Variants in NEBL observed in about 807,000 individuals in gnomAD.
NEBL encodes nebulette.
In NEBL, 122 loss-of-function variants were observed where a neutral mutation model predicts 140.2. That is an observed-to-expected ratio of 0.87 (90% confidence interval 0.75 to 1.01). The LOEUF (loss-of-function observed/expected upper bound fraction) is 1.01, where lower values mean the gene tolerates loss of function less well. NEBL is among the 50% of genes least tolerant of loss of function. NEBL has a pLI of 0.00. For missense variants in NEBL, 1,365 were observed against 1,231.3 expected (o/e 1.11, Z -1.62); for synonymous variants, 436 against 398.9 (o/e 1.09, Z -1.11).
At chr10:20,899,414 C>T (rs1397891880), upstream of NEBL, 2 of 1,303,764 alleles carry the variant, frequency 1.5e-6, no homozygotes, top group African/African-American at 1.5e-5. Context: ...TTCTCATTTC[C>T]CATCACGTAA....
At chr10:21,039,484 CT>C (rs1834168115) in intron 2 of NEBL, among the ~76,000 whole-genome samples, 1 of 152,162 alleles carries the variant, frequency 6.6e-6, no homozygotes, top group South Asian at 2.1e-4. Context: ...ACAAGGAATC[CT>C]TTCCCCTTTG....
At chr10:21,238,585 C>T (rs1371683810) in intron 3 of NEBL, among the ~76,000 whole-genome samples, 2 of 151,686 alleles carry the variant, frequency 1.3e-5, no homozygotes, top group Non-Finnish European at 2.9e-5. Context: ...TGGTGCATGC[C>T]TGTAATCCCA....
At chr10:21,066,388 G>T (rs75626630) in intron 2 of NEBL, among the ~76,000 whole-genome samples, 4 of 152,194 alleles carry the variant, frequency 2.6e-5, no homozygotes, top group African/African-American at 7.2e-5. Context: ...ATAGCAATTC[G>T]TTGTTGATAA....
intron 2 of NEBL, among the ~76,000 whole-genome samples, chr10:21,065,408 T>C (rs1310920297): frequency 6.6e-6 from 1 of 152,182 alleles, no homozygotes; most frequent in African/African-American, 2.4e-5. Flanking sequence ...AAAAATTAGG[T>C]ACCCAGTCTT....
intron 27 of NEBL, among the ~76,000 whole-genome samples, chr10:20,786,483 T>C (rs1835418627): frequency 6.6e-6 from 1 of 152,244 alleles, no homozygotes; most frequent in African/African-American, 2.4e-5. Flanking sequence ...TATTATATTA[T>C]GATTATAATG....
At chr10:21,269,904 C>T (rs7903230) in intron 1 of NEBL, among the ~76,000 whole-genome samples, 4,193 of 152,240 alleles carry the variant, frequency 0.028, 188 homozygotes, top group African/African-American at 0.095. Context: ...GTGGTTAAGA[C>T]CCAGCTAGGA....
chr10:21,110,081 T>C (rs754752697), intron 2 of NEBL, among the ~76,000 whole-genome samples: 9 of 152,178 alleles, frequency 5.9e-5, no homozygotes, highest in Admixed American at 1.3e-4. Context: ...CTCTAGTTCT[T>C]TTAATTGTGA....
chr10:21,135,091 T>C (rs1290938985), intron 2 of NEBL, among the ~76,000 whole-genome samples: 1 of 152,250 alleles, frequency 6.6e-6, no homozygotes, highest in Non-Finnish European at 1.5e-5. Context: ...TTGTGAGTCA[T>C]TTTAGTTCAA....
At chr10:20,980,130 C>T (rs1836974385) in intron 3 of NEBL, among the ~76,000 whole-genome samples, 1 of 150,540 alleles carries the variant, frequency 6.6e-6, no homozygotes, top group African/African-American at 2.4e-5. Flanking sequence ...ATTCAAAGAA[C>T]TCAATTTAAA....
intron 26 of NEBL, among the ~76,000 whole-genome samples, chr10:20,796,375 A>G (rs1027878164): frequency 1.4e-4 from 20 of 141,048 alleles, no homozygotes; most frequent in Admixed American, 9.5e-4. Flanking sequence ...AAGAAAAAAA[A>G]AAAAAAAAAA....
chr10:21,172,260 C>T (rs986181590), intron 2 of NEBL: 2 of 754,130 alleles, frequency 2.7e-6, no homozygotes, highest in Admixed American at 2.0e-5. Flanking sequence ...GTGATATAAA[C>T]AGGTAACTGG....
chr10:21,163,791 A>T lies in NEBL; in HGVS notation c.164+8592T>A, dbSNP rs114869640. Among the ~76,000 whole-genome samples the T allele has an allele frequency of 6.4e-3, 971 of 152,360 alleles. 12 individuals are homozygous for T. Among genetic ancestry groups the T allele is most frequent in the African/African-American group, 0.022 (924 of 41,580 alleles). ...TATTCAAGAATGCACACATCGAACT[A>T]GTTCTCTTCTGGCTCCTCCTAGAAT... On this transcript the variant is annotated intron_variant, in intron 2 of 6. Transcript: ENST00000417816.
chr10:21,024,282 T>C (rs1471286188), intron 2 of NEBL, among the ~76,000 whole-genome samples: 1 of 152,176 alleles, frequency 6.6e-6, no homozygotes, highest in Non-Finnish European at 1.5e-5. Flanking sequence ...GTATGTAGCA[T>C]AACTTTCTCT....
chr10:21,011,711 G>A (rs553847672), intron 3 of NEBL, among the ~76,000 whole-genome samples: 79 of 152,262 alleles, frequency 5.2e-4, no homozygotes, highest in African/African-American at 1.7e-3. Flanking sequence ...TAACCCTGTG[G>A]TGTGTTCTTC....
At chr10:20,899,321 T>C, upstream of NEBL, 4 of 1,090,774 alleles carry the variant, frequency 3.7e-6, no homozygotes, top group Non-Finnish European at 5.0e-6. Flanking sequence ...TGGCTCATAT[T>C]TGAGGAGACA....
chr10:20,971,402 TA>T (rs1412704389), intron 3 of NEBL, among the ~76,000 whole-genome samples: 1 of 152,044 alleles, frequency 6.6e-6, no homozygotes, highest in East Asian at 1.9e-4. Flanking sequence ...TTATAATTTT[TA>T]AATATAAATA....
chr10:20,853,587 C>G (rs1299071021), intron 9 of NEBL, among the ~76,000 whole-genome samples: 2 of 152,118 alleles, frequency 1.3e-5, no homozygotes, highest in Non-Finnish European at 2.9e-5. Flanking sequence ...TGTTCTCACT[C>G]ATATGTGGGA....
chr10:21,056,656 C>T (rs532124664), intron 2 of NEBL, among the ~76,000 whole-genome samples: 2 of 152,202 alleles, frequency 1.3e-5, no homozygotes, highest in South Asian at 2.1e-4. Context: ...CAAAAGAACT[C>T]GATATATTCT....
intron 3 of NEBL, among the ~76,000 whole-genome samples, chr10:21,246,248 T>C (rs1842515485): frequency 6.6e-6 from 1 of 152,226 alleles, no homozygotes; most frequent in African/African-American, 2.4e-5. Flanking sequence ...GGTGAGAATG[T>C]GACGCAACTA....
Sources: gnomAD v4.1 joint callset for allele counts (sites outside exome capture counted in the v4.1 genomes callset) on GRCh38, gnomAD v4.1.1 for gene constraint, MANE v1.5 for transcripts, NCBI Gene and HGNC (gene_info 2026-07-23, HGNC 2026-07-21) for gene names.